PDE6C: variants seen among roughly 807,000 people sequenced by gnomAD.
The protein encoded by PDE6C is cone cGMP-specific 3',5'-cyclic phosphodiesterase subunit alpha'.
Under a neutral mutation model 113.1 loss-of-function variants are expected in PDE6C, and 75 were observed. The observed-to-expected ratio is 0.66, with a 90% CI of 0.55 to 0.80. PDE6C has a LOEUF of 0.80. Ranked by LOEUF, PDE6C falls within the 30% of genes least tolerant of loss-of-function variation. PDE6C has a pLI of 0.00. For missense variants in PDE6C, 912 were observed against 1,038.6 expected (o/e 0.88, Z 1.67); for synonymous variants, 375 against 363.7 (o/e 1.03, Z -0.35).
In PDE6C at chr10:93,626,856, T is replaced by G. The variant is rs773302242; in HGVS notation, c.1056T>G (p.Val352=). ...TCATTAGTGGGTTGCCAACATATGT[T>G]GCTGAAAATGGATTTGTAAGTTATT... ...WTLISGLPTY[V]AENGFICNMM... is the part of the protein sequence containing the mutation. Residue 352 remains valine, a synonymous_variant, in exon 7 of 22, where the codon GTT becomes GTG. Transcript: ENST00000371447. 6.2e-7 allele frequency: 1 copy of G among 1,613,540 alleles called. No individual in the cohort carries two copies. The highest frequency in any genetic ancestry group is 8.5e-7 in the Non-Finnish European group (1 of 1,179,628).
At chr10:93,638,625 T>A (rs184095827) in intron 11 of PDE6C, among the ~76,000 whole-genome samples, 2 of 152,358 alleles carry the variant, frequency 1.3e-5, no homozygotes, top group East Asian at 3.9e-4. Flanking sequence ...ATTTTGAATG[T>A]AAAATCTACT....
chr10:93,646,527 A>T (rs374830364), intron 15 of PDE6C, among the ~76,000 whole-genome samples: 1 of 152,130 alleles, frequency 6.6e-6, no homozygotes, highest in Non-Finnish European at 1.5e-5. Flanking sequence ...AATAGGTTTA[A>T]TTCACTCCCG....
At position 93,620,381 on chromosome 10, in the gene PDE6C, T is replaced by C. The variant is rs575983405; in HGVS notation, c.481-251T>C. ...GGCTGTCTGATCACCTCTTTTCTTC[T>C]GGCCCAACCTCAGCCTAACCTAAAT... On this transcript the variant is annotated intron_variant, in intron 1 of 21. Transcript: ENST00000371447. 7.2e-5 allele frequency among the ~76,000 whole-genome samples: 11 copies of C among 152,292 alleles called. 1 individual carries two copies. In the South Asian group the frequency reaches 2.3e-3, roughly 32 times the overall value.
chr10:93,642,321 G>A (rs955249219), intron 14 of PDE6C, among the ~76,000 whole-genome samples: 15 of 152,242 alleles, frequency 9.9e-5, no homozygotes, highest in South Asian at 2.1e-4. Context: ...CTGAGGTCAC[G>A]CCACTGCACT....
chr10:93,626,958 A>G lies in PDE6C; in HGVS notation c.1071+87A>G, dbSNP rs2058476022. On this transcript the variant is annotated intron_variant, in intron 7 of 21. Transcript: ENST00000371447. The stretch of plus-strand genomic sequence containing the variant: ...GATAGATACAATTGTGAAAGCAAGA[A>G]TGCATCCAATAAAAGCTAGATGGGC... 2.5e-6 allele frequency: 3 copies of G among 1,214,908 alleles called. No homozygotes were observed. The Admixed American group carries it at 5.7e-5, about 23-fold the overall frequency. The allele number at this position is 1,214,908 out of a possible 1,614,324, so 75.3% of individuals were successfully genotyped here. A position where few individuals can be genotyped will look rare whatever the true frequency, so the allele number is the denominator to read the frequency against.
chr10:93,637,638 G>C (rs1486062024), intron 11 of PDE6C, among the ~76,000 whole-genome samples: 3 of 152,110 alleles, frequency 2.0e-5, no homozygotes, highest in Non-Finnish European at 4.4e-5. Context: ...GTTCTAGAAG[G>C]TACATTTAAT....
At chr10:93,626,130 A>C (rs1242675812) in intron 5 of PDE6C, among the ~76,000 whole-genome samples, 5 of 152,278 alleles carry the variant, frequency 3.3e-5, no homozygotes, top group African/African-American at 1.2e-4. Context: ...AAACAGAGAG[A>C]ATAATTCTCT....
At chr10:93,619,487 C>T (rs190714214) in intron 1 of PDE6C, among the ~76,000 whole-genome samples, 110 of 152,192 alleles carry the variant, frequency 7.2e-4, no homozygotes, top group African/African-American at 2.5e-3. Context: ...AGTACAATGG[C>T]GCGATCTTGG....
At chr10:93,619,718 G>A (rs1046620800) in intron 1 of PDE6C, among the ~76,000 whole-genome samples, 3 of 152,088 alleles carry the variant, frequency 2.0e-5, no homozygotes, top group Non-Finnish European at 4.4e-5. Context: ...GAACCACCCC[G>A]CCCAGCCTCA....
chr10:93,622,120 A>G (rs2058449704), intron 4 of PDE6C, 48 bp downstream of exon 4: 2 of 1,532,784 alleles, frequency 1.3e-6, no homozygotes, highest in Non-Finnish European at 9.0e-7. Context: ...CGCCTATATA[A>G]CACACACCAC....
intron 15 of PDE6C, among the ~76,000 whole-genome samples, chr10:93,649,085 T>C (rs980567318): frequency 3.3e-5 from 5 of 152,180 alleles, no homozygotes; most frequent in African/African-American, 1.2e-4. Flanking sequence ...ATTAAAGCCA[T>C]TTCTACCTGT....
intron 21 of PDE6C, among the ~76,000 whole-genome samples, chr10:93,665,048 T>G (rs1024247555): frequency 2.0e-5 from 3 of 152,140 alleles, no homozygotes; most frequent in South Asian, 4.1e-4. Context: ...TTTATATTTT[T>G]AGTAGAGACA....
rs2058440819 is a variant in PDE6C at position 93,620,625 on chromosome 10, C to G, written c.481-7C>G. On this transcript the variant is annotated splice_polypyrimidine_tract_variant and splice_region_variant and intron_variant, in intron 1 of 21. Coordinates refer to ENST00000371447, the MANE Select transcript of PDE6C (RefSeq NM_006204.4). Reference sequence around the variant, plus strand: ...CACTTTGACAAATATGTGACTGTCTCTTTCAGAACAGCCATTTTTCTGACT... The same window carrying G: ...CACTTTGACAAATATGTGACTGTCTGTTTCAGAACAGCCATTTTTCTGACT... 1.2e-6 allele frequency: 2 copies of G among 1,613,886 alleles called. No individual in the cohort carries two copies. Among genetic ancestry groups the G allele is most frequent in the Admixed American group, 1.7e-5 (1 of 60,006 alleles).
At chr10:93,643,348 C>G (rs2058568501) in intron 14 of PDE6C, among the ~76,000 whole-genome samples, 1 of 152,062 alleles carries the variant, frequency 6.6e-6, no homozygotes, top group African/African-American at 2.4e-5. Flanking sequence ...GGCTTCCTGA[C>G]TGCAGACTGT....
chr10:93,619,231 T>C (rs1393534492), intron 1 of PDE6C, among the ~76,000 whole-genome samples: 3 of 152,108 alleles, frequency 2.0e-5, no homozygotes, highest in Admixed American at 2.0e-4. Flanking sequence ...TAGAATTATC[T>C]CTCGAATCTA....
At chr10:93,662,902 G>A (rs149349505) in intron 20 of PDE6C, 126 bp from the exon 21 acceptor site, 104 of 841,582 alleles carry the variant, frequency 1.2e-4, no homozygotes, top group African/African-American at 1.2e-3. Context: ...TCATAGGCCC[G>A]TGGTTAAACT....
rs764178507 is a variant in PDE6C, at chr10:93,620,807, G to A, written c.633+23G>A. On this transcript the variant is annotated intron_variant, in intron 2 of 21. Transcript: ENST00000371447. ...GAGGTAATGCTAACCCTGGGCATCT[G>A]GTTGGAGGCTCAGGAAATTTATTTG... 3 of 1,613,912 alleles carry A rather than the reference G, an allele frequency of 1.9e-6. No individual in the cohort carries two copies. In the Admixed American group the frequency reaches 5.0e-5, roughly 27 times the overall value.
intron 14 of PDE6C, among the ~76,000 whole-genome samples, chr10:93,644,064 T>C (rs1172379537): frequency 6.6e-6 from 1 of 152,236 alleles, no homozygotes; most frequent in Non-Finnish European, 1.5e-5. Flanking sequence ...CCAACTATTT[T>C]GCAGAATATC....
intron 4 of PDE6C, among the ~76,000 whole-genome samples, chr10:93,622,639 G>GTTTTTTTTTTTTTTTTT (rs67350128): frequency 9.7e-5 from 11 of 113,982 alleles, no homozygotes; most frequent in African/African-American, 3.0e-4. Context: ...GTAGCCACAG[G>GTTTTTTTTTTTTTTTTT]TTTTTTTTTT....
Sources: allele counts gnomAD v4.1 joint callset (sites outside exome capture counted in the v4.1 genomes callset), GRCh38; gene constraint gnomAD v4.1.1; transcripts MANE v1.5; gene names NCBI Gene and HGNC (gene_info 2026-07-23, HGNC 2026-07-21).